The following TMEM131 variants were observed in gnomAD, a reference collection of about 807,000 sequenced individuals.
TMEM131 encodes transmembrane protein 131.
In TMEM131, 66 loss-of-function variants were observed where a neutral mutation model predicts 211.6. That is an observed-to-expected ratio of 0.31 (90% CI 0.26 to 0.38). The LOEUF is 0.38. Ranked by LOEUF, TMEM131 falls within the 10% of genes least tolerant of loss-of-function variation. TMEM131 has a pLI of 1.00. For synonymous variants in TMEM131, 844 were observed against 841.3 expected (o/e 1.00, Z -0.06); for missense variants, 2,036 against 2,299.3 (o/e 0.89, Z 2.34).
chr2:97,837,663 A>T (rs895999812), intron 7 of TMEM131, among the ~76,000 whole-genome samples: 58 of 152,206 alleles, frequency 3.8e-4, no homozygotes, highest in Non-Finnish European at 5.9e-5. Context: ...TGTGGTTTCT[A>T]CTGGTAGCAA....
chr2:97,906,645 CAA>C (rs1676083253), intron 3 of TMEM131, among the ~76,000 whole-genome samples: 1 of 152,206 alleles, frequency 6.6e-6, no homozygotes, highest in South Asian at 2.1e-4. Context: ...GAAGGCCACA[CAA>C]AGAGGCCTAC....
chr2:97,866,093 A>G (rs1674259548), intron 4 of TMEM131, among the ~76,000 whole-genome samples: 1 of 152,194 alleles, frequency 6.6e-6, no homozygotes, highest in South Asian at 2.1e-4. Flanking sequence ...ACCGTTAGCC[A>G]GGATGGTCTC....
rs1391833072 is a variant in TMEM131, at chr2:97,944,633, A to C, written c.188-17146T>G. 2.6e-5 allele frequency among the ~76,000 whole-genome samples: 4 copies of C among 152,198 alleles called. No individual in the cohort carries two copies. In the South Asian group the frequency reaches 6.2e-4, roughly 24 times the overall value. On this transcript the variant is annotated intron_variant, in intron 1 of 40. Transcript: ENST00000186436. ...GCAATGAATAAAAGACAAACCTCCC[A>C]ATCAAAAAATGGACAAGGAAACTGA...
At chr2:97,838,930 T>C (rs945503127) in intron 7 of TMEM131, among the ~76,000 whole-genome samples, 6 of 152,214 alleles carry the variant, frequency 3.9e-5, no homozygotes, top group Non-Finnish European at 4.4e-5. Flanking sequence ...CCTTAAATGA[T>C]AGGATGACTA....
Position 97,792,582 on chromosome 2 carries a change from C to A in TMEM131, c.3948G>T (p.Pro1316=). 1.2e-6 allele frequency: 2 copies of A among 1,612,778 alleles called. No homozygotes were observed. Among genetic ancestry groups the A allele is most frequent in the Non-Finnish European group, 1.7e-6 (2 of 1,179,434 alleles). The part of the protein sequence containing the change: ...LPPPVPQPQE[P]QPERLSPAPL... The stretch of plus-strand genomic sequence containing the variant: ...GGGCGGGAGACAGCCTTTCAGGCTG[C>A]GGCTCCTGGGGCTGAGGCACTGGCG... Residue 1316 remains proline (P), a synonymous_variant, in exon 31 of 41, where the codon CCG becomes CCT. Coordinates refer to ENST00000186436, the MANE Select transcript of TMEM131 (RefSeq NM_015348.2).
chr2:97,802,289 C>T, intron 24 of TMEM131, 139 bp downstream of exon 24: 4 of 720,446 alleles, frequency 5.6e-6, no homozygotes, highest in Non-Finnish European at 8.8e-6. Context: ...CTCCCTAAAA[C>T]CTTCTCTCAA....
intron 1 of TMEM131, among the ~76,000 whole-genome samples, chr2:97,939,578 C>T (rs953742878): frequency 1.3e-5 from 2 of 152,164 alleles, no homozygotes. Context: ...AGATTCACAG[C>T]CGAATTCTAC....
intron 31 of TMEM131, among the ~76,000 whole-genome samples, chr2:97,784,567 C>T (rs1461986311): frequency 6.6e-6 from 1 of 151,764 alleles, no homozygotes; most frequent in African/African-American, 2.4e-5. Context: ...CTGAAAGTTC[C>T]ATATATCAAA....
chr2:97,984,284 T>C (rs1679929051), intron 1 of TMEM131, among the ~76,000 whole-genome samples: 1 of 152,208 alleles, frequency 6.6e-6, no homozygotes, highest in African/African-American at 2.4e-5. Flanking sequence ...TTTCTACATT[T>C]TCATTTTTTC....
intron 11 of TMEM131, among the ~76,000 whole-genome samples, chr2:97,830,888 C>T (rs1682650593): frequency 6.6e-6 from 1 of 152,216 alleles, no homozygotes; most frequent in Non-Finnish European, 1.5e-5. Context: ...AAAAAAAGAT[C>T]TCCAGCTTCT....
intron 5 of TMEM131, among the ~76,000 whole-genome samples, chr2:97,852,968 T>C (rs1673689338): frequency 6.6e-6 from 1 of 152,256 alleles, no homozygotes; most frequent in African/African-American, 2.4e-5. Flanking sequence ...CATCTATTTA[T>C]AACATGGTTT....
intron 3 of TMEM131, among the ~76,000 whole-genome samples, chr2:97,906,824 C>G (rs1676091260): frequency 6.6e-6 from 1 of 152,126 alleles, no homozygotes; most frequent in African/African-American, 2.4e-5. Flanking sequence ...TTTGCTGTCC[C>G]CTGCCTGAAT....
intron 4 of TMEM131, among the ~76,000 whole-genome samples, chr2:97,865,607 G>C (rs576768789): frequency 6.6e-6 from 1 of 152,178 alleles, no homozygotes; most frequent in Non-Finnish European, 1.5e-5. Context: ...ATGTCACTTG[G>C]TCATGGTGTA....
chr2:97,969,061 T>A (rs1679181851), intron 1 of TMEM131, among the ~76,000 whole-genome samples: 1 of 145,860 alleles, frequency 6.9e-6, no homozygotes, highest in Admixed American at 6.9e-5. Flanking sequence ...CACTTGAGTA[T>A]GGGTGACAGA....
At chr2:97,959,355 T>C (rs1253826031) in intron 1 of TMEM131, among the ~76,000 whole-genome samples, 2 of 152,060 alleles carry the variant, frequency 1.3e-5, no homozygotes, top group Non-Finnish European at 2.9e-5. Context: ...AAGAACCAAC[T>C]GCTTCAGCCC....
chr2:97,884,824 T>C (rs910007382), intron 4 of TMEM131, among the ~76,000 whole-genome samples: 1 of 152,178 alleles, frequency 6.6e-6, no homozygotes, highest in Non-Finnish European at 1.5e-5. Flanking sequence ...ATGAGGTGAG[T>C]TTCTTACAGG....
At chr2:97,867,395 T>C (rs1219060433) in intron 4 of TMEM131, among the ~76,000 whole-genome samples, 1 of 152,226 alleles carries the variant, frequency 6.6e-6, no homozygotes, top group Non-Finnish European at 1.5e-5. Context: ...ATGTTTATAA[T>C]TGTTATATCT....
intron 11 of TMEM131, among the ~76,000 whole-genome samples, chr2:97,828,714 T>C (rs1248407469): frequency 1.3e-5 from 2 of 152,264 alleles, no homozygotes; most frequent in Admixed American, 6.5e-5. Context: ...AGTGTTTTTT[T>C]ACACTAACCA....
chr2:97,760,878 G>C lies in TMEM131; in HGVS notation c.4926C>G (p.His1642Gln). The change falls in exon 37 of 41, where the codon CAC (histidine) becomes CAG (glutamine). Residue 1642 changes from histidine to glutamine, a missense_variant. Transcript: ENST00000186436. ...GGAGCGAGGCTGCCTTTGTCAACTT[G>C]TGTTTGCTTCCATTTGGCTGTTTTA... ...PKIKQPNGSK[H>Q]KLTKAASLPG... is the part of the protein sequence containing the mutation. 2.5e-6 allele frequency: 4 copies of C among 1,614,030 alleles called. No homozygotes were observed. The highest frequency in any genetic ancestry group is 1.3e-5 in the African/African-American group (1 of 75,060).
Sources: allele counts gnomAD v4.1 joint callset (sites outside exome capture counted in the v4.1 genomes callset), GRCh38; gene constraint gnomAD v4.1.1; transcripts MANE v1.5; gene names NCBI Gene and HGNC (gene_info 2026-07-23, HGNC 2026-07-21).